Variants in TENM3 observed in about 807,000 individuals in gnomAD.
TENM3 encodes the protein teneurin-3.
Under a neutral mutation model 255.1 loss-of-function variants are expected in TENM3, and 63 were observed. The ratio of observed to expected loss-of-function variants is 0.25; its 90% confidence interval spans 0.20 to 0.30. TENM3 has a LOEUF of 0.30. Among genes scored for constraint, TENM3 ranks in the 10% least tolerant of loss-of-function variants. The pLI, the probability that TENM3 is intolerant of heterozygous loss-of-function variation, is 1.00. For missense variants in TENM3, 2,929 were observed against 3,461.1 expected, an observed-to-expected ratio of 0.85 and a Z score of 3.86; for synonymous variants, 1,306 against 1,322.3, an observed-to-expected ratio of 0.99 and a Z score of 0.27.
intron 3 of TENM3, among the ~76,000 whole-genome samples, chr4:182,396,652 G>A (rs1768836106): frequency 1.3e-5 from 2 of 152,220 alleles, no homozygotes; most frequent in South Asian, 4.1e-4. Context: ...GCCAGGTTGG[G>A]TTGGATTATA....
chr4:182,313,197 A>G (rs1286553052), intron 1 of TENM3, among the ~76,000 whole-genome samples: 1 of 151,922 alleles, frequency 6.6e-6, no homozygotes, highest in African/African-American at 2.4e-5. Flanking sequence ...GAGTTAAGCC[A>G]CTTTTCTTAT....
At chr4:181,470,945 T>A in the TENM3 span, among the ~76,000 whole-genome samples, 2 of 151,028 alleles carry the variant, frequency 1.3e-5, no homozygotes, top group Non-Finnish European at 2.9e-5. Context: ...TTTGACATAA[T>A]TTTTTTTCAT....
chr4:181,973,433 G>A, the TENM3 span, among the ~76,000 whole-genome samples: 11 of 152,220 alleles, frequency 7.2e-5, no homozygotes, highest in South Asian at 8.3e-4. Flanking sequence ...AAACGGAGAC[G>A]GAATGCTGTT....
At chr4:182,406,959 C>G (rs776789090) in intron 3 of TENM3, among the ~76,000 whole-genome samples, 49 of 152,132 alleles carry the variant, frequency 3.2e-4, no homozygotes, top group Non-Finnish European at 6.9e-4. Context: ...CAATGTAAGG[C>G]GGGAAACTAA....
chr4:181,957,592 CA>C, the TENM3 span, among the ~76,000 whole-genome samples: 14 of 152,182 alleles, frequency 9.2e-5, no homozygotes, highest in African/African-American at 3.4e-4. Context: ...AGTATATCAG[CA>C]GACGGGAAAC....
At chr4:182,021,706 TTGG>T in the TENM3 span, among the ~76,000 whole-genome samples, 3 of 140,002 alleles carry the variant, frequency 2.1e-5, no homozygotes, top group Admixed American at 2.2e-4. Context: ...GTTCTAGAAA[TTGG>T]TGGTGCCCAA....
chr4:181,476,283 G>A, the TENM3 span, among the ~76,000 whole-genome samples: 29 of 150,480 alleles, frequency 1.9e-4, no homozygotes, highest in Non-Finnish European at 4.0e-4. Context: ...TGCTAGATAT[G>A]TGGGAGAGGT....
chr4:182,069,680 T>A, the TENM3 span, among the ~76,000 whole-genome samples: 2,861 of 87,898 alleles, frequency 0.033, 91 homozygotes, highest in African/African-American at 0.1. Context: ...CATACATAGA[T>A]GCATAAACAC....
chr4:182,696,161 T>TA (rs747580472), intron 12 of TENM3, among the ~76,000 whole-genome samples: 1 of 150,850 alleles, frequency 6.6e-6, no homozygotes, highest in African/African-American at 2.4e-5. Flanking sequence ...TATTACACAA[T>TA]AAAAAAAAAG....
At chr4:182,551,084 T>C (rs1237735026) in intron 3 of TENM3, among the ~76,000 whole-genome samples, 1 of 152,076 alleles carries the variant, frequency 6.6e-6, no homozygotes, top group African/African-American at 2.4e-5. Flanking sequence ...TAGCTGGGCA[T>C]GGTGGTGCCT....
the TENM3 span, among the ~76,000 whole-genome samples, chr4:181,802,307 C>T: frequency 1.3e-5 from 2 of 152,136 alleles, no homozygotes; most frequent in African/African-American, 4.8e-5. Context: ...AAGGACATTA[C>T]AGAAAGAATT....
At position 182,382,514 on chromosome 4, in the gene TENM3, A is replaced by G. The variant is rs28744392; in HGVS notation, c.511+35585A>G. The stretch of plus-strand genomic sequence containing the variant: ...AAGGACTTTTCCAGGAAATGTTTAG[A>G]GAACCATGGGCTAAATAGCCTTTGC... On this transcript the variant is annotated intron_variant, in intron 3 of 27. Transcript: ENST00000511685. Among the ~76,000 whole-genome samples, 862 of 152,328 alleles carry G rather than the reference A, an allele frequency of 5.7e-3. 9 individuals are homozygous for G. The highest frequency in any genetic ancestry group is 0.02 in the African/African-American group (825 of 41,570).
chr4:182,562,114 A>G (rs1378963814), intron 3 of TENM3, among the ~76,000 whole-genome samples: 2 of 152,154 alleles, frequency 1.3e-5, no homozygotes, highest in Non-Finnish European at 2.9e-5. Context: ...ATAAAGATAG[A>G]TTGCATTTTC....
the TENM3 span, among the ~76,000 whole-genome samples, chr4:182,028,499 T>A: frequency 1.3e-5 from 2 of 152,172 alleles, no homozygotes; most frequent in African/African-American, 4.8e-5. Flanking sequence ...GGGGTTTGGC[T>A]TACTCTTGCT....
intron 1 of TENM3, among the ~76,000 whole-genome samples, chr4:182,161,853 A>AGTG (rs1751324668): frequency 6.4e-5 from 1 of 15,602 alleles, no homozygotes. Context: ...ATATACACAA[A>AGTG]TATATATGTG....
intron 4 of TENM3, among the ~76,000 whole-genome samples, chr4:182,626,258 G>C (rs774283261): frequency 2.5e-4 from 38 of 152,176 alleles, no homozygotes; most frequent in Non-Finnish European, 1.0e-4. Flanking sequence ...GAAATCGCCA[G>C]TATCAAATTT....
intron 1 of TENM3, among the ~76,000 whole-genome samples, chr4:182,184,881 A>G (rs1421802030): frequency 2.6e-5 from 4 of 152,068 alleles, no homozygotes; most frequent in Admixed American, 6.6e-5. Context: ...TCAGGAGTTC[A>G]AGATCAGCTT....
the TENM3 span, among the ~76,000 whole-genome samples, chr4:182,043,937 C>T: frequency 2.0e-5 from 3 of 152,138 alleles, no homozygotes; most frequent in Admixed American, 1.3e-4. Flanking sequence ...CTCTTCAAAT[C>T]CTTCTCTTGC....
At chr4:182,244,023 G>A (rs550329626) in intron 1 of TENM3, among the ~76,000 whole-genome samples, 1 of 138,938 alleles carries the variant, frequency 7.2e-6, no homozygotes, top group South Asian at 2.2e-4. Context: ...GCGTGACCTC[G>A]GCTCACTGCA....
Sources: allele counts gnomAD v4.1 joint callset (sites outside exome capture counted in the v4.1 genomes callset), GRCh38; gene constraint gnomAD v4.1.1; transcripts MANE v1.5; gene names NCBI Gene and HGNC (gene_info 2026-07-23, HGNC 2026-07-21).